The following UBASH3B variants were observed in gnomAD, a reference collection of about 807,000 sequenced individuals.
UBASH3B encodes ubiquitin-associated and SH3 domain-containing protein B.
In UBASH3B, 37 loss-of-function variants were observed where a neutral mutation model predicts 83.4. The ratio of observed to expected loss-of-function variants is 0.44; its 90% CI spans 0.34 to 0.58. The LOEUF is 0.58. Among genes scored for constraint, UBASH3B ranks in the 20% least tolerant of loss-of-function variants. UBASH3B has a pLI of 0.01. For synonymous variants in UBASH3B, 304 were observed against 318.3 expected (o/e 0.96, Z 0.48); for missense variants, 657 against 827.2 (o/e 0.79, Z 2.52).
At chr11:122,679,601 A>T (rs1863712873) in intron 1 of UBASH3B, among the ~76,000 whole-genome samples, 1 of 152,250 alleles carries the variant, frequency 6.6e-6, no homozygotes, top group South Asian at 2.1e-4. Flanking sequence ...AGCAAGGACC[A>T]GCAAACTCTG....
chr11:122,801,352 G>C lies in UBASH3B; in HGVS notation c.1595+20G>C. On this transcript the variant is annotated intron_variant, in intron 11 of 13. Coordinates refer to ENST00000284273, the MANE Select transcript of UBASH3B (RefSeq NM_032873.5). ...CTACAGGTAAGCCTCGGAAACTGCT[G>C]CTTACTGAGGCCAGTGTGGAAGTGC... 6.2e-7 allele frequency: 1 copy of C among 1,611,972 alleles called. No homozygotes were observed. Among genetic ancestry groups the C allele is most frequent in the Non-Finnish European group, 8.5e-7 (1 of 1,179,736 alleles).
At chr11:122,656,982 G>C (rs2135885784) in intron 1 of UBASH3B, among the ~76,000 whole-genome samples, 1 of 152,314 alleles carries the variant, frequency 6.6e-6, no homozygotes, top group East Asian at 1.9e-4. Flanking sequence ...GGAGAGGCCT[G>C]TTTGCCAGCA....
intron 1 of UBASH3B, among the ~76,000 whole-genome samples, chr11:122,704,362 G>A (rs970606421): frequency 8.5e-5 from 13 of 152,194 alleles, no homozygotes; most frequent in Non-Finnish European, 1.5e-4. Context: ...CGGGTCAGCC[G>A]TGAGTAGGAG....
intron 1 of UBASH3B, among the ~76,000 whole-genome samples, chr11:122,671,987 G>A (rs1224884341): frequency 6.6e-6 from 1 of 152,020 alleles, no homozygotes; most frequent in Non-Finnish European, 1.5e-5. Context: ...CCCAGAATGG[G>A]TTGTCCTGGG....
intron 1 of UBASH3B, among the ~76,000 whole-genome samples, chr11:122,689,969 C>T (rs1863861156): frequency 6.6e-6 from 1 of 151,714 alleles, no homozygotes; most frequent in South Asian, 2.1e-4. Flanking sequence ...TGTGGGCAGC[C>T]CACCAAACCC....
chr11:122,679,405 T>A (rs974485295), intron 1 of UBASH3B, among the ~76,000 whole-genome samples: 2 of 152,200 alleles, frequency 1.3e-5, no homozygotes, highest in Non-Finnish European at 2.9e-5. Context: ...ACCAGATTTG[T>A]CTGAGAGAGC....
intron 1 of UBASH3B, among the ~76,000 whole-genome samples, chr11:122,739,417 T>C (rs575250558): frequency 6.6e-6 from 1 of 152,286 alleles, no homozygotes; most frequent in South Asian, 2.1e-4. Context: ...ATTTCTCCAC[T>C]AATAAAATGG....
chr11:122,656,062 G>T lies in UBASH3B; in HGVS notation c.13G>T (p.Gly5Cys), dbSNP rs768217066. The T allele has an allele frequency of 6.3e-7, 1 of 1,596,180 alleles. No homozygotes were observed. Among genetic ancestry groups the T allele is most frequent in the Non-Finnish European group, 8.5e-7 (1 of 1,172,922 alleles). MAQYGHPSPLGMAAR... is the reference protein window; with the variant it reads MAQYCHPSPLGMAAR... ...TGGCCGCTGAGCCATGGCTCAGTACGGCCACCCCAGTCCGCTCGGCATGGC... is the reference window on the plus strand; with the variant it reads ...TGGCCGCTGAGCCATGGCTCAGTACTGCCACCCCAGTCCGCTCGGCATGGC... The change falls in exon 1 of 14, where the codon GGC (glycine) becomes TGC (cysteine). Residue 5 changes from glycine (G) to cysteine (C), a missense_variant. By Grantham distance (159) the Gly-to-Cys change is radical. Coordinates refer to ENST00000284273, the MANE Select transcript of UBASH3B (RefSeq NM_032873.5).
intron 13 of UBASH3B, 33 bp downstream of exon 13, chr11:122,808,209 G>T: frequency 1.3e-6 from 2 of 1,554,186 alleles, no homozygotes; most frequent in South Asian, 1.1e-5. Context: ...GGTCCGTGAT[G>T]GCTAGTAGTT....
Position 122,808,071 on chromosome 11 carries a change from T to C in UBASH3B, c.1707T>C (p.Asn569=), listed in dbSNP as rs760122127. 1.2e-6 allele frequency: 2 copies of C among 1,613,814 alleles called. No individual in the cohort carries two copies. The highest frequency in any genetic ancestry group is 1.7e-6 in the Non-Finnish European group (2 of 1,179,820). Residue 569 remains asparagine, a synonymous_variant, in exon 13 of 14, where the codon AAT becomes AAC. Transcript: ENST00000284273. Reference sequence around the variant, plus strand: ...TACCTTGCCATTTTCCCCCAGGAAATAACATCCTGATTGTGGCCCACGCAT... The same window carrying C: ...TACCTTGCCATTTTCCCCCAGGAAACAACATCCTGATTGTGGCCCACGCAT... ...EIISECKSKG[N]NILIVAHASS... is the part of the protein sequence containing the mutation.
intron 1 of UBASH3B, among the ~76,000 whole-genome samples, chr11:122,766,002 A>G (rs1221837106): frequency 6.6e-6 from 1 of 152,166 alleles, no homozygotes; most frequent in Admixed American, 6.5e-5. Flanking sequence ...TGGCTGGTGC[A>G]CTGCAGAAAA....
chr11:122,758,176 G>A lies in UBASH3B; in HGVS notation c.162-18043G>A, dbSNP rs182335427. On this transcript the variant is annotated intron_variant, in intron 1 of 13. Coordinates refer to ENST00000284273, the MANE Select transcript of UBASH3B (RefSeq NM_032873.5). The surrounding 1 kb of genome is among the most constrained non-coding windows in gnomAD (Gnocchi z 4.2). ...CGAAGATGTGGCCGGGGGTGGGGCC[G>A]GTCTGGGGGGTATCGTAGTTGGGCC... Among the ~76,000 whole-genome samples the A allele has an allele frequency of 1.7e-3, 254 of 152,244 alleles. 2 individuals are homozygous for A. Among genetic ancestry groups the A allele is most frequent in the African/African-American group, 6.0e-3 (249 of 41,532 alleles).
chr11:122,667,161 A>G (rs1312590207), intron 1 of UBASH3B, among the ~76,000 whole-genome samples: 1 of 147,358 alleles, frequency 6.8e-6, no homozygotes, highest in Non-Finnish European at 1.5e-5. Flanking sequence ...CTCCTGCCTC[A>G]GCTTCCTAAG....
At chr11:122,674,617 G>A (rs1253947777) in intron 1 of UBASH3B, among the ~76,000 whole-genome samples, 4 of 151,506 alleles carry the variant, frequency 2.6e-5, no homozygotes, top group Non-Finnish European at 4.4e-5. Context: ...TCCTGACCTC[G>A]TGATCTGCCC....
chr11:122,717,540 A>T (rs1423386938), intron 1 of UBASH3B, among the ~76,000 whole-genome samples: 1 of 152,230 alleles, frequency 6.6e-6, no homozygotes, highest in East Asian at 1.9e-4. Flanking sequence ...GAAGCACTGC[A>T]CACAGCACGG....
chr11:122,805,152 G>A (rs750724306), intron 11 of UBASH3B, among the ~76,000 whole-genome samples: 5 of 152,226 alleles, frequency 3.3e-5, no homozygotes, highest in East Asian at 3.9e-4. Flanking sequence ...CAATCATGGC[G>A]GAAGGCAAGG....
intron 1 of UBASH3B, among the ~76,000 whole-genome samples, chr11:122,701,984 G>T (rs913494843): frequency 1.3e-5 from 2 of 152,124 alleles, no homozygotes; most frequent in African/African-American, 4.8e-5. Context: ...CTCCCAAAAT[G>T]CTGGGATTAC....
In UBASH3B at chr11:122,754,305, G is replaced by A. The variant is rs550020652; in HGVS notation, c.162-21914G>A. ...TCAGGCTTCTCTGTCTTCTGCTCAA[G>A]GAAACTGTCTTCCTGATGAGCTAAA... On this transcript the variant is annotated intron_variant, in intron 1 of 13. Coordinates refer to ENST00000284273, the MANE Select transcript of UBASH3B (RefSeq NM_032873.5). Among the ~76,000 whole-genome samples, 10 of 152,322 alleles carry A rather than the reference G, an allele frequency of 6.6e-5. No individual in the cohort carries two copies. The South Asian group carries it at 2.1e-3, about 32-fold the overall frequency.
chr11:122,712,612 T>C (rs1864210986), intron 1 of UBASH3B, among the ~76,000 whole-genome samples: 1 of 152,038 alleles, frequency 6.6e-6, no homozygotes, highest in South Asian at 2.1e-4. Flanking sequence ...GCTAGGGAAT[T>C]TCTACCCCAG....
Sources: gnomAD v4.1 joint callset for allele counts (sites outside exome capture counted in the v4.1 genomes callset) on GRCh38, gnomAD v4.1.1 for gene constraint, Gnocchi (gnomAD v3.1) non-coding constraint, MANE v1.5 for transcripts, NCBI Gene and HGNC (gene_info 2026-07-23, HGNC 2026-07-21) for gene names.